The following NRXN3 variants were observed in gnomAD, a reference collection of about 807,000 sequenced individuals.
The protein encoded by NRXN3 is neurexin III.
Under a neutral mutation model 137.6 loss-of-function variants are expected in NRXN3, and 32 were observed. The ratio of observed to expected loss-of-function variants is 0.23; its 90% CI spans 0.18 to 0.31. NRXN3 has a LOEUF of 0.31. Ranked by LOEUF, NRXN3 falls within the 10% of genes least tolerant of loss-of-function variation. The pLI is 1.00. For missense variants in NRXN3, 1,574 were observed against 2,062.5 expected (o/e 0.76, Z 4.59); for synonymous variants, 798 against 784.5 (o/e 1.02, Z -0.29).
chr14:78,898,357 G>A (rs1472799300), intron 10 of NRXN3, among the ~76,000 whole-genome samples: 2 of 151,822 alleles, frequency 1.3e-5, no homozygotes, highest in African/African-American at 4.8e-5. Context: ...ACTGAAATGT[G>A]GTTAAATTTC....
Position 79,093,303 on chromosome 14 carries a change from G to A in NRXN3, c.3262+105162G>A, listed in dbSNP as rs547124414. Among the ~76,000 whole-genome samples the A allele has an allele frequency of 3.9e-5, 6 of 152,190 alleles. 1 individual carries two copies. In the South Asian group the frequency reaches 1.2e-3, roughly 32 times the overall value. On this transcript the variant is annotated intron_variant, in intron 15 of 20. Coordinates refer to ENST00000335750, the MANE Select transcript of NRXN3 (RefSeq NM_001330195.2). The stretch of plus-strand genomic sequence containing the variant: ...TCTAGCCAGGTGTGGGGACTTAAAG[G>A]GTAAAGCAAGTGCTACCCAGAAAAC...
intron 4 of NRXN3, among the ~76,000 whole-genome samples, chr14:78,432,587 C>T (rs1490274030): frequency 6.6e-6 from 1 of 152,184 alleles, no homozygotes; most frequent in Non-Finnish European, 1.5e-5. Flanking sequence ...TTTTGGTGGC[C>T]TGGGCAAGCT....
At chr14:79,344,517 C>T (rs1167340030) in intron 15 of NRXN3, among the ~76,000 whole-genome samples, 1 of 152,124 alleles carries the variant, frequency 6.6e-6, no homozygotes, top group Non-Finnish European at 1.5e-5. Flanking sequence ...CATGAAAGAA[C>T]TAACATAATA....
At chr14:78,999,897 G>A (rs78584998) in intron 15 of NRXN3, among the ~76,000 whole-genome samples, 8,690 of 152,198 alleles carry the variant, frequency 0.057, 334 homozygotes, top group African/African-American at 0.069. Flanking sequence ...TCTAGTGATC[G>A]AGTGAGATAG....
At chr14:78,276,219 T>C (rs77695092) in intron 2 of NRXN3, among the ~76,000 whole-genome samples, 2 of 152,184 alleles carry the variant, frequency 1.3e-5, no homozygotes, top group Admixed American at 6.5e-5. Flanking sequence ...AAATTGAGAC[T>C]TGAGGAGGGA....
At chr14:78,184,376 A>T (rs2060056315) in intron 1 of NRXN3, among the ~76,000 whole-genome samples, 1 of 152,208 alleles carries the variant, frequency 6.6e-6, no homozygotes, top group Non-Finnish European at 1.5e-5. Context: ...GAGCTTCCAG[A>T]TTTAGCTTTT....
intron 10 of NRXN3, among the ~76,000 whole-genome samples, chr14:78,925,579 A>T (rs1478925295): frequency 6.6e-6 from 1 of 152,134 alleles, no homozygotes; most frequent in Non-Finnish European, 1.5e-5. Context: ...AACACAGGTG[A>T]CCCCTCTGAA....
intron 4 of NRXN3, among the ~76,000 whole-genome samples, chr14:78,429,557 G>C (rs962700921): frequency 3.9e-5 from 6 of 152,178 alleles, no homozygotes; most frequent in Non-Finnish European, 5.9e-5. Flanking sequence ...AAAGGGAGCT[G>C]TGCTTGGAAT....
In NRXN3 at chr14:78,398,815, A is replaced by G. The variant is rs117660769; in HGVS notation, c.757+100955A>G. ...CATGTGGTCTCAATTGACACCATGGAGGTGGAGGGTTTTGTTGTTACATGG... is the reference window on the plus strand; with the variant it reads ...CATGTGGTCTCAATTGACACCATGGGGGTGGAGGGTTTTGTTGTTACATGG... On this transcript the variant is annotated intron_variant, in intron 4 of 20. Transcript: ENST00000335750. 8.0e-3 allele frequency among the ~76,000 whole-genome samples: 1,220 copies of G among 152,188 alleles called. 39 individuals carry two copies. The East Asian group carries it at 0.084, about 10-fold the overall frequency.
intron 10 of NRXN3, among the ~76,000 whole-genome samples, chr14:78,899,747 TA>T (rs569442164): frequency 1.3e-5 from 2 of 151,910 alleles, no homozygotes; most frequent in South Asian, 2.1e-4. Context: ...TTTGTGAACT[TA>T]AAAAAAATCT....
chr14:79,481,653 T>C (rs966761409), intron 16 of NRXN3, among the ~76,000 whole-genome samples: 1 of 152,236 alleles, frequency 6.6e-6, no homozygotes, highest in Non-Finnish European at 1.5e-5. Context: ...ACTGCCCAGA[T>C]GGAGCCAATT....
In NRXN3 at chr14:78,401,096, G is replaced by A. The variant is rs568197319; in HGVS notation, c.757+103236G>A. The stretch of plus-strand genomic sequence containing the variant: ...GCTCTGTCCTCACACGGTAAAAGGT[G>A]GAAAAGCAAAAAGGTCTAAGTTAGT... On this transcript the variant is annotated intron_variant, in intron 4 of 20. Transcript: ENST00000335750. Among the ~76,000 whole-genome samples, 36 of 152,176 alleles carry A rather than the reference G, an allele frequency of 2.4e-4. No homozygotes were observed. In the East Asian group the frequency reaches 6.6e-3, roughly 28 times the overall value.
intron 15 of NRXN3, among the ~76,000 whole-genome samples, chr14:79,044,611 T>C (rs1048089009): frequency 3.4e-4 from 51 of 152,144 alleles, no homozygotes; most frequent in African/African-American, 1.2e-3. Context: ...GAAAACATAG[T>C]TGACTTGTTA....
rs148955301 is a variant in NRXN3 at position 78,282,176 on chromosome 14, T to C, written c.727+3514T>C. The C allele has an allele frequency of 4.7e-5, 23 of 494,600 alleles. No individual in the cohort carries two copies. The East Asian group carries it at 1.3e-3, about 28-fold the overall frequency. The allele number at this position is 494,600 out of a possible 1,614,324, so 30.6% of individuals were successfully genotyped here. A position where few individuals can be genotyped will look rare whatever the true frequency, so the allele number is the denominator to read the frequency against. On this transcript the variant is annotated intron_variant, in intron 3 of 20. Coordinates refer to ENST00000335750, the MANE Select transcript of NRXN3 (RefSeq NM_001330195.2). ...GTGCCTTATCCCATGCTTTTGTACA[T>C]TGGGATTTGTCACTGGTCTTCCTGG... is the stretch of plus-strand genomic sequence containing the variant.
intron 15 of NRXN3, among the ~76,000 whole-genome samples, chr14:79,261,600 G>GCT (rs1470838699): frequency 9.1e-5 from 9 of 98,398 alleles, no homozygotes; most frequent in African/African-American, 3.4e-4. Flanking sequence ...TAAGAAAGGT[G>GCT]CTGTGTGTGT....
intron 19 of NRXN3, among the ~76,000 whole-genome samples, chr14:79,706,351 C>A (rs1216532679): frequency 6.6e-6 from 1 of 152,058 alleles, no homozygotes; most frequent in East Asian, 1.9e-4. Flanking sequence ...TCTCCTAAAA[C>A]CCACTTTCAA....
intron 17 of NRXN3, among the ~76,000 whole-genome samples, chr14:79,674,791 TTTAA>T: frequency 6.6e-6 from 1 of 152,188 alleles, no homozygotes; most frequent in Middle Eastern, 3.4e-3. Flanking sequence ...AGCCTCAATG[TTTAA>T]TTAAACTAGA....
intron 20 of NRXN3, among the ~76,000 whole-genome samples, chr14:79,838,402 T>C (rs376195069): frequency 2.0e-5 from 3 of 152,216 alleles, no homozygotes; most frequent in African/African-American, 7.2e-5. Context: ...TTCCCCACGC[T>C]GACTTTTTAA....
intron 15 of NRXN3, among the ~76,000 whole-genome samples, chr14:79,229,598 T>C (rs114080570): frequency 0.019 from 2,960 of 152,252 alleles, 97 homozygotes; most frequent in African/African-American, 0.068. Context: ...AAGACAGATC[T>C]GTCCTGTTTG....
Sources: gnomAD v4.1 joint callset for allele counts (sites outside exome capture counted in the v4.1 genomes callset) on GRCh38, gnomAD v4.1.1 for gene constraint, MANE v1.5 for transcripts, NCBI Gene and HGNC (gene_info 2026-07-23, HGNC 2026-07-21) for gene names.